The following STX18 variants were observed in gnomAD, a reference collection of about 807,000 sequenced individuals.
STX18 encodes the protein syntaxin 18, also known as syntaxin-18.
STX18 carries 40 observed loss-of-function variants against 50.1 expected under a neutral mutation model. The observed-to-expected ratio is 0.80, with a 90% CI of 0.62 to 1.04. STX18 has a LOEUF of 1.04. Ranked by LOEUF, STX18 falls within the 50% of genes least tolerant of loss-of-function variation. The pLI is 0.00. For missense variants in STX18, 410 were observed against 415.8 expected (o/e 0.99, Z 0.12); for synonymous variants, 158 against 151.8 (o/e 1.04, Z -0.30).
intron 7 of STX18, among the ~76,000 whole-genome samples, chr4:4,427,886 G>A (rs1382215656): frequency 6.6e-6 from 1 of 152,242 alleles, no homozygotes; most frequent in East Asian, 1.9e-4. Context: ...TAGAGGAAGA[G>A]AAGCAGGTGC....
intron 5 of STX18, among the ~76,000 whole-genome samples, chr4:4,452,723 T>C (rs1337436286): frequency 6.6e-6 from 1 of 152,174 alleles, no homozygotes; most frequent in Non-Finnish European, 1.5e-5. Flanking sequence ...TCACATTTCA[T>C]AGGCTATAGC....
intron 2 of STX18, among the ~76,000 whole-genome samples, chr4:4,466,736 A>G (rs1727638536): frequency 6.6e-6 from 1 of 152,186 alleles, no homozygotes. Flanking sequence ...GTAATTGCCC[A>G]ACAGGTTCAT....
chr4:4,476,926 G>A (rs1728202996), intron 1 of STX18, among the ~76,000 whole-genome samples: 1 of 152,046 alleles, frequency 6.6e-6, no homozygotes, highest in South Asian at 2.1e-4. Flanking sequence ...CGGGGCTTGG[G>A]CAGTGGCTTA....
chr4:4,428,487 G>A (rs1265067927), intron 7 of STX18, among the ~76,000 whole-genome samples: 2 of 152,186 alleles, frequency 1.3e-5, no homozygotes, highest in African/African-American at 4.8e-5. Flanking sequence ...GTGAATACAT[G>A]TGAGTTGTCT....
rs570804180 is a variant in STX18, at chr4:4,515,553, C to T, written c.168+26244G>A. Among the ~76,000 whole-genome samples, 263 of 152,158 alleles carry T rather than the reference C, an allele frequency of 1.7e-3. 2 individuals carry two copies. The highest frequency in any genetic ancestry group is 3.1e-3 in the Non-Finnish European group (211 of 67,996). The stretch of plus-strand genomic sequence containing the variant: ...TGAAATGGACTTTGAATACTATACA[C>T]TGTATTTTATACTGGATACCAGTCT... On this transcript the variant is annotated intron_variant, in intron 1 of 10. Coordinates refer to ENST00000306200, the MANE Select transcript of STX18 (RefSeq NM_016930.4).
At chr4:4,457,299 A>T in intron 4 of STX18, 42 bp from the exon 5 acceptor site, 1 of 1,598,642 alleles carries the variant, frequency 6.3e-7, no homozygotes, top group Non-Finnish European at 8.6e-7. Flanking sequence ...TGCTTAAAAC[A>T]GCTTCTCAGG....
chr4:4,528,605 T>G (rs1316280525), intron 1 of STX18, among the ~76,000 whole-genome samples: 1 of 152,246 alleles, frequency 6.6e-6, no homozygotes, highest in African/African-American at 2.4e-5. Context: ...GCTCCAGGTA[T>G]TCCTTTATGG....
chr4:4,514,821 G>C (rs1488055962), intron 1 of STX18, among the ~76,000 whole-genome samples: 1 of 152,046 alleles, frequency 6.6e-6, no homozygotes, highest in African/African-American at 2.4e-5. Flanking sequence ...GATCAGATAA[G>C]GGGGTATATG....
At chr4:4,461,310 T>C (rs1193510248) in intron 2 of STX18, among the ~76,000 whole-genome samples, 1 of 152,208 alleles carries the variant, frequency 6.6e-6, no homozygotes, top group East Asian at 1.9e-4. Flanking sequence ...GATTGTTTTG[T>C]TGCCAGGATA....
intron 1 of STX18, among the ~76,000 whole-genome samples, chr4:4,523,854 T>C (rs778864337): frequency 1.3e-5 from 2 of 152,182 alleles, no homozygotes; most frequent in African/African-American, 2.4e-5. Flanking sequence ...TTCGAGATAA[T>C]GCCATTCCTC....
intron 5 of STX18, among the ~76,000 whole-genome samples, chr4:4,442,182 T>C (rs1726147407): frequency 6.6e-6 from 1 of 152,218 alleles, no homozygotes; most frequent in Admixed American, 6.5e-5. Context: ...GTATTTAATA[T>C]ATGATATGGT....
At chr4:4,434,599 A>T (rs542436750) in intron 7 of STX18, among the ~76,000 whole-genome samples, 171 bp downstream of exon 7, 8 of 152,328 alleles carry the variant, frequency 5.3e-5, no homozygotes, top group African/African-American at 1.9e-4. Context: ...TATGAAAAGC[A>T]CCGTAAGAAT....
chr4:4,427,811 C>T (rs1244180542), intron 7 of STX18, among the ~76,000 whole-genome samples: 2 of 152,224 alleles, frequency 1.3e-5, no homozygotes, highest in Admixed American at 1.3e-4. Flanking sequence ...CTCCACTGCA[C>T]TCAGGAGTGG....
At chr4:4,461,387 G>C (rs1348008475) in intron 2 of STX18, among the ~76,000 whole-genome samples, 1 of 152,056 alleles carries the variant, frequency 6.6e-6, no homozygotes, top group Non-Finnish European at 1.5e-5. Context: ...CAGAGATCTA[G>C]CCACAGGCTA....
At chr4:4,460,830 A>G (rs1182923029) in intron 2 of STX18, among the ~76,000 whole-genome samples, 2 of 152,178 alleles carry the variant, frequency 1.3e-5, no homozygotes, top group Non-Finnish European at 2.9e-5. Flanking sequence ...AAAGGCGCTA[A>G]GCCAGCAAGC....
intron 1 of STX18, among the ~76,000 whole-genome samples, chr4:4,514,504 T>C (rs993480250): frequency 1.3e-5 from 2 of 152,230 alleles, no homozygotes; most frequent in African/African-American, 4.8e-5. Context: ...TCTTCACTCC[T>C]ACCTTTCAAT....
At chr4:4,467,232 G>T (rs1341184020) in intron 2 of STX18, among the ~76,000 whole-genome samples, 2 of 152,158 alleles carry the variant, frequency 1.3e-5, no homozygotes, top group African/African-American at 4.8e-5. Context: ...GTTTTACAAA[G>T]GTGGCCTTGT....
chr4:4,442,352 G>A (rs886807402), intron 5 of STX18, among the ~76,000 whole-genome samples: 8 of 151,962 alleles, frequency 5.3e-5, no homozygotes, highest in African/African-American at 7.2e-5. Context: ...AACTGGGTGC[G>A]GTGGCTCACT....
At chr4:4,518,693 C>A (rs1384928629) in intron 1 of STX18, among the ~76,000 whole-genome samples, 1 of 152,108 alleles carries the variant, frequency 6.6e-6, no homozygotes, top group Middle Eastern at 3.2e-3. Context: ...TCTTTAATTT[C>A]ATTTCCAAAG....
Sources: allele counts gnomAD v4.1 joint callset (sites outside exome capture counted in the v4.1 genomes callset), GRCh38; gene constraint gnomAD v4.1.1; transcripts MANE v1.5; gene names NCBI Gene and HGNC (gene_info 2026-07-23, HGNC 2026-07-21).